Variants in CTNND2 observed in about 807,000 individuals in gnomAD.
The protein encoded by CTNND2 is catenin delta 2.
A neutral mutation model predicts 144.4 loss-of-function variants in CTNND2; 22 were observed. That is an observed-to-expected ratio of 0.15 (90% confidence interval 0.11 to 0.22). CTNND2 has a LOEUF of 0.22. Among genes scored for constraint, CTNND2 ranks in the 10% least tolerant of loss-of-function variants. The pLI, the probability that CTNND2 is intolerant of heterozygous loss-of-function variation, is 1.00. For missense variants in CTNND2, 1,353 were observed against 1,618.8 expected (o/e 0.84, Z 2.82); for synonymous variants, 751 against 695.6 (o/e 1.08, Z -1.25).
chr5:11,884,392 T>A lies in CTNND2; in HGVS notation c.37+19425A>T, dbSNP rs192922636. ...AGGGGTCCAGTTTCAGTTTCCTACA[T>A]ATGGCTGGCCAGTTTTCCCAACACC... On this transcript the variant is annotated intron_variant, in intron 1 of 21. Transcript: ENST00000304623. Among the ~76,000 whole-genome samples the A allele has an allele frequency of 2.0e-5, 3 of 152,298 alleles. No homozygotes were observed. In the East Asian group the frequency reaches 5.8e-4, roughly 29 times the overall value.
intron 2 of CTNND2, among the ~76,000 whole-genome samples, chr5:11,641,669 CGT>C (rs200333451): frequency 2.5e-5 from 3 of 122,304 alleles, no homozygotes; most frequent in African/African-American, 3.8e-5. Flanking sequence ...TATACATATA[CGT>C]GTGTATATAC....
chr5:11,755,342 G>A (rs1043026087), intron 1 of CTNND2, among the ~76,000 whole-genome samples: 1 of 151,728 alleles, frequency 6.6e-6, no homozygotes, highest in Non-Finnish European at 1.5e-5. Context: ...CTTTGTGGAT[G>A]ACCTGTAACT....
chr5:11,838,774 G>A (rs1423824778), intron 1 of CTNND2, among the ~76,000 whole-genome samples: 1 of 152,026 alleles, frequency 6.6e-6, no homozygotes, highest in Non-Finnish European at 1.5e-5. Context: ...TTGATATTGT[G>A]TCATATCTTA....
chr5:11,389,329 T>C (rs972120820), intron 6 of CTNND2, among the ~76,000 whole-genome samples: 2 of 152,254 alleles, frequency 1.3e-5, no homozygotes, highest in African/African-American at 2.4e-5. Flanking sequence ...ATGGTGCACA[T>C]TAAGTGTAGT....
intron 2 of CTNND2, among the ~76,000 whole-genome samples, chr5:11,581,605 T>C (rs560296379): frequency 3.9e-5 from 6 of 152,232 alleles, no homozygotes; most frequent in Non-Finnish European, 7.3e-5. Context: ...ATTGGCTCCC[T>C]ATCTGCAGAA....
chr5:11,407,311 T>C (rs187564004), intron 5 of CTNND2, among the ~76,000 whole-genome samples: 111 of 152,296 alleles, frequency 7.3e-4, no homozygotes, highest in African/African-American at 2.6e-3. Context: ...TTTGTTAAAA[T>C]TGAAATTACA....
intron 3 of CTNND2, among the ~76,000 whole-genome samples, chr5:11,530,553 G>C (rs1046277880): frequency 6.6e-6 from 1 of 152,154 alleles, no homozygotes; most frequent in Non-Finnish European, 1.5e-5. Flanking sequence ...CTTCAAGTCA[G>C]TTCAGGACAC....
At chr5:11,606,056 G>T (rs1467520316) in intron 2 of CTNND2, among the ~76,000 whole-genome samples, 1 of 152,142 alleles carries the variant, frequency 6.6e-6, no homozygotes, top group Admixed American at 6.6e-5. Context: ...GGCAAGAGAC[G>T]AGACAGAATA....
At chr5:11,832,941 T>C (rs1033691083) in intron 1 of CTNND2, among the ~76,000 whole-genome samples, 1 of 151,826 alleles carries the variant, frequency 6.6e-6, no homozygotes, top group Non-Finnish European at 1.5e-5. Context: ...ACCCTGTCTC[T>C]AAATAAATAA....
At chr5:11,774,372 G>GGGGA (rs1353282247) in intron 1 of CTNND2, among the ~76,000 whole-genome samples, 1 of 137,852 alleles carries the variant, frequency 7.3e-6, no homozygotes, top group Non-Finnish European at 1.5e-5. Flanking sequence ...GACACAGGAA[G>GGGGA]GGGAATATCA....
chr5:11,754,440 G>A (rs967928093), intron 1 of CTNND2, among the ~76,000 whole-genome samples: 3 of 112,686 alleles, frequency 2.7e-5, no homozygotes, highest in East Asian at 2.6e-4. Context: ...GGGAGGGGGC[G>A]GGGAGGTGGA....
rs1209196134 is a variant in CTNND2 at position 11,351,345 on chromosome 5, A to G, written c.1373-4718T>C. Reference sequence around the variant, plus strand: ...CTACAAACAGCCCCTTTTCCCCTCAATAAGCTCTTAGAATTCAATGAACTG... The same window carrying G: ...CTACAAACAGCCCCTTTTCCCCTCAGTAAGCTCTTAGAATTCAATGAACTG... On this transcript the variant is annotated intron_variant, in intron 8 of 21. Transcript: ENST00000304623. Among the ~76,000 whole-genome samples the G allele has an allele frequency of 8.5e-5, 13 of 152,150 alleles. No homozygotes were observed. In the East Asian group the frequency reaches 1.9e-3, roughly 23 times the overall value.
At chr5:11,871,622 C>T (rs1057336171) in intron 1 of CTNND2, among the ~76,000 whole-genome samples, 5 of 152,128 alleles carry the variant, frequency 3.3e-5, no homozygotes, top group Middle Eastern at 3.4e-3. Flanking sequence ...GAGAGTTTAC[C>T]AAGATTTCAT....
intron 3 of CTNND2, among the ~76,000 whole-genome samples, chr5:11,534,653 G>A (rs561782146): frequency 3.0e-4 from 45 of 152,152 alleles, no homozygotes; most frequent in African/African-American, 1.0e-3. Flanking sequence ...GATTCTATGC[G>A]CTGAGACCTG....
chr5:11,571,171 A>G (rs183118246), intron 2 of CTNND2, among the ~76,000 whole-genome samples: 4 of 152,148 alleles, frequency 2.6e-5, no homozygotes, highest in Admixed American at 2.6e-4. Context: ...CTCTCTGCAT[A>G]GTTCCTATTT....
intron 1 of CTNND2, among the ~76,000 whole-genome samples, chr5:11,756,656 AC>A (rs1479226229): frequency 6.8e-6 from 1 of 147,452 alleles, no homozygotes; most frequent in Non-Finnish European, 1.5e-5. Context: ...ATACACACAC[AC>A]ACACACACAC....
chr5:11,544,875 T>C (rs911086466), intron 3 of CTNND2, among the ~76,000 whole-genome samples: 1 of 151,752 alleles, frequency 6.6e-6, no homozygotes, highest in African/African-American at 2.4e-5. Flanking sequence ...TCCCAGCACT[T>C]TGGGAGGCGG....
intron 1 of CTNND2, among the ~76,000 whole-genome samples, chr5:11,875,443 T>C (rs1735490333): frequency 6.6e-6 from 1 of 152,216 alleles, no homozygotes; most frequent in African/African-American, 2.4e-5. Flanking sequence ...ATGAATATAA[T>C]GGACTGAATC....
intron 3 of CTNND2, among the ~76,000 whole-genome samples, chr5:11,538,325 C>T (rs1425549153): frequency 6.6e-6 from 1 of 152,138 alleles, no homozygotes; most frequent in Non-Finnish European, 1.5e-5. Context: ...CCAACCTCTG[C>T]TTGTTGTGGA....
Sources: allele counts gnomAD v4.1 joint callset (sites outside exome capture counted in the v4.1 genomes callset), GRCh38; gene constraint gnomAD v4.1.1; transcripts MANE v1.5; gene names NCBI Gene and HGNC (gene_info 2026-07-23, HGNC 2026-07-21).